ANKS1B: variants seen among roughly 807,000 people sequenced by gnomAD.
The protein encoded by ANKS1B is ankyrin repeat and sterile alpha motif domain-containing protein 1B.
A neutral mutation model predicts 148.3 loss-of-function variants in ANKS1B; 36 were observed. The observed-to-expected ratio is 0.24, with a 90% CI of 0.19 to 0.32. The LOEUF (loss-of-function observed/expected upper bound fraction) is 0.32, where lower values mean the gene tolerates loss of function less well. Ranked by LOEUF, ANKS1B falls within the 10% of genes least tolerant of loss-of-function variation. ANKS1B has a pLI of 1.00. For missense variants in ANKS1B, 1,157 were observed against 1,542.6 expected (o/e 0.75, Z 4.19); for synonymous variants, 542 against 560.8 (o/e 0.97, Z 0.47).
At chr12:99,927,256 A>G (rs1482303626) in intron 1 of ANKS1B, among the ~76,000 whole-genome samples, 1 of 152,204 alleles carries the variant, frequency 6.6e-6, no homozygotes, top group Non-Finnish European at 1.5e-5. Flanking sequence ...ACAGTAGTCA[A>G]TAAATTCCCT....
In ANKS1B at chr12:99,061,333, A is replaced by G. The variant is rs114036749; in HGVS notation, c.2626-8024T>C. On this transcript the variant is annotated intron_variant, in intron 16 of 26. Coordinates refer to ENST00000683438, the MANE Select transcript of ANKS1B (RefSeq NM_001352186.2). ...GACTGCAGTTCAGCTTTGACTACAC[A>G]GGCAAAACAATACCCTGGAGTCTGG... 6.9e-3 allele frequency among the ~76,000 whole-genome samples: 1,050 copies of G among 152,304 alleles called. 12 individuals are homozygous for G. The highest frequency in any genetic ancestry group is 0.024 in the African/African-American group (983 of 41,560).
chr12:99,480,026 CA>C (rs2096385813), intron 10 of ANKS1B, among the ~76,000 whole-genome samples: 1 of 151,332 alleles, frequency 6.6e-6, no homozygotes, highest in Admixed American at 6.6e-5. Flanking sequence ...TATTATTTGT[CA>C]ATTAAAGATC....
intron 1 of ANKS1B, among the ~76,000 whole-genome samples, chr12:99,854,990 GA>G (rs952348624): frequency 2.7e-5 from 4 of 148,782 alleles, no homozygotes; most frequent in African/African-American, 7.4e-5. Flanking sequence ...TAATACAATT[GA>G]AAAAAAAACC....
At chr12:99,898,376 T>C (rs542172511) in intron 1 of ANKS1B, among the ~76,000 whole-genome samples, 2 of 152,290 alleles carry the variant, frequency 1.3e-5, no homozygotes, top group South Asian at 2.1e-4. Context: ...CACTCTCTAA[T>C]GCTGATGTCC....
At chr12:99,698,399 G>A (rs2054256637) in intron 8 of ANKS1B, among the ~76,000 whole-genome samples, 1 of 152,078 alleles carries the variant, frequency 6.6e-6, no homozygotes, top group Non-Finnish European at 1.5e-5. Flanking sequence ...GTGTGTCCGT[G>A]TGTGCATGTG....
intron 17 of ANKS1B, among the ~76,000 whole-genome samples, chr12:99,018,968 T>C (rs11831992): frequency 0.034 from 5,239 of 152,284 alleles, 326 homozygotes; most frequent in African/African-American, 0.12. Context: ...TTTTTATATA[T>C]GGCAACATGT....
chr12:99,140,486 T>C (rs1441391083), intron 15 of ANKS1B, among the ~76,000 whole-genome samples: 2 of 152,212 alleles, frequency 1.3e-5, no homozygotes, highest in Admixed American at 1.3e-4. Flanking sequence ...GGCTAATCAG[T>C]AATTCTAACA....
At chr12:98,758,780 CTT>C (rs59375322) in intron 25 of ANKS1B, among the ~76,000 whole-genome samples, 17 of 120,582 alleles carry the variant, frequency 1.4e-4, no homozygotes, top group Admixed American at 2.6e-4. Flanking sequence ...CTTTTCCTTC[CTT>C]TTTTTTTTTT....
Position 99,404,091 on chromosome 12 carries a change from T to C in ANKS1B, c.1576-4280A>G, listed in dbSNP as rs188043194. On this transcript the variant is annotated intron_variant, in intron 11 of 26. Coordinates refer to ENST00000683438, the MANE Select transcript of ANKS1B (RefSeq NM_001352186.2). ...TAACACAAGAACAGAAAACCAAATA[T>C]TGCATGTTCTCACTTATATGTGGGA... is the stretch of plus-strand genomic sequence containing the variant. Among the ~76,000 whole-genome samples the C allele has an allele frequency of 4.1e-5, 6 of 146,246 alleles. No homozygotes were observed. In the East Asian group the frequency reaches 9.7e-4, roughly 24 times the overall value.
chr12:99,521,755 G>A (rs2096877428), intron 9 of ANKS1B, among the ~76,000 whole-genome samples: 1 of 150,844 alleles, frequency 6.6e-6, no homozygotes, highest in Non-Finnish European at 1.5e-5. Flanking sequence ...TCTCTGCTGA[G>A]CCACCTGGAA....
At chr12:99,850,484 C>T (rs923911855) in intron 1 of ANKS1B, among the ~76,000 whole-genome samples, 7 of 151,956 alleles carry the variant, frequency 4.6e-5, no homozygotes, top group Non-Finnish European at 8.8e-5. Flanking sequence ...TTTATACATA[C>T]AGCTTCAAAG....
At chr12:99,648,682 G>T in intron 9 of ANKS1B, 1 of 1,614,162 alleles carries the variant, frequency 6.2e-7, no homozygotes, top group Non-Finnish European at 8.5e-7. Flanking sequence ...GGAAAACCTT[G>T]TTTACATCCT....
chr12:99,784,666 C>A (rs1046470656), intron 4 of ANKS1B, among the ~76,000 whole-genome samples: 1 of 152,128 alleles, frequency 6.6e-6, no homozygotes, highest in African/African-American at 2.4e-5. Context: ...TGGGCCCCAT[C>A]CCCAGAGTTT....
At chr12:99,100,822 G>A (rs1182677776) in intron 15 of ANKS1B, among the ~76,000 whole-genome samples, 2 of 152,184 alleles carry the variant, frequency 1.3e-5, no homozygotes, top group African/African-American at 4.8e-5. Context: ...CAGCCACTGT[G>A]CCTGGTCAAA....
intron 22 of ANKS1B, among the ~76,000 whole-genome samples, chr12:98,792,224 A>G (rs1467256388): frequency 2.0e-5 from 3 of 152,204 alleles, no homozygotes; most frequent in Non-Finnish European, 2.9e-5. Context: ...TAATCTTAAA[A>G]TATTTCCTTT....
At chr12:99,944,206 C>T (rs1228638241) in intron 1 of ANKS1B, among the ~76,000 whole-genome samples, 1 of 152,194 alleles carries the variant, frequency 6.6e-6, no homozygotes. Flanking sequence ...GGGCCTATGA[C>T]TTGAGCAACA....
chr12:99,059,788 C>CATATATAT lies in ANKS1B; in HGVS notation c.2626-6487_2626-6480dup, dbSNP rs759625732. On this transcript the variant is annotated intron_variant, in intron 16 of 26. Transcript: ENST00000683438. Reference sequence around the variant, plus strand: ...TAAGCCCAAAGACAAAACTAAAATTCATATATATATATATATATGATAGGA... The same window carrying CATATATAT: ...TAAGCCCAAAGACAAAACTAAAATTCATATATATATATATATATATATATATGATAGGA... Among the ~76,000 whole-genome samples, 36 of 90,314 alleles carry CATATATAT rather than the reference C, an allele frequency of 4.0e-4. 1 individual carries two copies. Among genetic ancestry groups the CATATATAT allele is most frequent in the Admixed American group, 2.4e-3 (17 of 7,108 alleles). The allele number at this position is 90,314 out of a possible 152,430, so 59.2% of individuals were successfully genotyped here.
intron 8 of ANKS1B, among the ~76,000 whole-genome samples, chr12:99,728,755 C>T (rs536366372): frequency 7.2e-4 from 109 of 152,150 alleles, no homozygotes; most frequent in South Asian, 6.2e-4. Context: ...AAAGAAAATG[C>T]GGTAAATATA....
At chr12:99,249,700 A>G (rs2153972560) in intron 12 of ANKS1B, among the ~76,000 whole-genome samples, 1 of 152,310 alleles carries the variant, frequency 6.6e-6, no homozygotes, top group South Asian at 2.1e-4. Context: ...CCCTGCAGAC[A>G]CAGCCCTCCC....
Sources: gnomAD v4.1 joint callset for allele counts (sites outside exome capture counted in the v4.1 genomes callset) on GRCh38, gnomAD v4.1.1 for gene constraint, MANE v1.5 for transcripts, NCBI Gene and HGNC (gene_info 2026-07-23, HGNC 2026-07-21) for gene names.